NPAS3: variants seen among roughly 807,000 people sequenced by gnomAD.
NPAS3 encodes neuronal PAS domain protein 3.
Under a neutral mutation model 73.1 loss-of-function variants are expected in NPAS3, and 14 were observed. The observed-to-expected ratio is 0.19, with a 90% CI of 0.13 to 0.30. The LOEUF (loss-of-function observed/expected upper bound fraction) is 0.30, where lower values mean the gene tolerates loss of function less well. Ranked by LOEUF, NPAS3 falls within the 10% of genes least tolerant of loss-of-function variation. The pLI, the probability that NPAS3 is intolerant of heterozygous loss-of-function variation, is 1.00. For synonymous variants in NPAS3, 620 were observed against 541.5 expected, an observed-to-expected ratio of 1.14 and a Z score of -2.01; for missense variants, 1,096 against 1,250.0, an observed-to-expected ratio of 0.88 and a Z score of 1.86.
At chr14:33,052,330 A>G (rs1431614256) in intron 1 of NPAS3, among the ~76,000 whole-genome samples, 1 of 152,128 alleles carries the variant, frequency 6.6e-6, no homozygotes, top group Non-Finnish European at 1.5e-5. Context: ...CCTGATACAT[A>G]TTAAATAACT....
At chr14:33,675,721 C>A (rs1399490833) in intron 5 of NPAS3, among the ~76,000 whole-genome samples, 2 of 152,152 alleles carry the variant, frequency 1.3e-5, no homozygotes, top group Non-Finnish European at 2.9e-5. Context: ...ACATGGAAAT[C>A]AGATGATATG....
At chr14:33,284,559 C>T (rs1215356524) in intron 3 of NPAS3, among the ~76,000 whole-genome samples, 1 of 151,992 alleles carries the variant, frequency 6.6e-6, no homozygotes, top group Admixed American at 6.6e-5. Flanking sequence ...ATTATATGCA[C>T]TGTTTATTAT....
At chr14:33,188,572 A>G (rs1170518300) in intron 2 of NPAS3, among the ~76,000 whole-genome samples, 1 of 152,148 alleles carries the variant, frequency 6.6e-6, no homozygotes, top group African/African-American at 2.4e-5. Flanking sequence ...CACATGTGGC[A>G]TTGCATCCCC....
intron 4 of NPAS3, among the ~76,000 whole-genome samples, chr14:33,482,519 A>C (rs2051379397): frequency 6.6e-6 from 1 of 152,178 alleles, no homozygotes; most frequent in Non-Finnish European, 1.5e-5. Context: ...AACGTGGTGG[A>C]GATAGGAGAT....
chr14:33,532,071 C>G (rs2054070950), intron 4 of NPAS3, among the ~76,000 whole-genome samples: 1 of 152,084 alleles, frequency 6.6e-6, no homozygotes, highest in African/African-American at 2.4e-5. Context: ...AACTATGTAT[C>G]CAGGTCTCAA....
At chr14:33,139,293 C>T in intron 2 of NPAS3, among the ~76,000 whole-genome samples, 1 of 152,230 alleles carries the variant, frequency 6.6e-6, no homozygotes, top group East Asian at 1.9e-4. Flanking sequence ...TCTATGTGCA[C>T]ATTGGCTTCC....
chr14:33,003,109 T>A (rs1235591564), intron 1 of NPAS3, among the ~76,000 whole-genome samples: 1 of 152,000 alleles, frequency 6.6e-6, no homozygotes, highest in Non-Finnish European at 1.5e-5. Context: ...AACATTTCCT[T>A]ACCTTTCTTG....
chr14:33,299,056 G>A (rs543006558), intron 3 of NPAS3, among the ~76,000 whole-genome samples: 2 of 152,162 alleles, frequency 1.3e-5, no homozygotes, highest in African/African-American at 2.4e-5. Context: ...CCATTTGCAC[G>A]CCTTCTCATG....
At chr14:33,327,391 G>A (rs1283379412) in intron 3 of NPAS3, among the ~76,000 whole-genome samples, 1 of 152,200 alleles carries the variant, frequency 6.6e-6, no homozygotes, top group Non-Finnish European at 1.5e-5. Context: ...CTCAGAGCTT[G>A]TATTACTTAA....
At chr14:33,343,258 G>T (rs909476327) in intron 3 of NPAS3, among the ~76,000 whole-genome samples, 2 of 151,938 alleles carry the variant, frequency 1.3e-5, no homozygotes, top group Non-Finnish European at 2.9e-5. Flanking sequence ...AATGAGTCAG[G>T]GTTTGTTTTG....
intron 2 of NPAS3, among the ~76,000 whole-genome samples, chr14:33,139,290 G>A (rs1330273926): frequency 1.3e-5 from 2 of 152,170 alleles, no homozygotes; most frequent in Non-Finnish European, 2.9e-5. Context: ...GCATCTATGT[G>A]CACATTGGCT....
At chr14:33,372,998 T>C (rs577645264) in intron 4 of NPAS3, among the ~76,000 whole-genome samples, 1 of 152,312 alleles carries the variant, frequency 6.6e-6, no homozygotes, top group Non-Finnish European at 1.5e-5. Context: ...GCATGTTATT[T>C]ATTGTTACTT....
intron 8 of NPAS3, among the ~76,000 whole-genome samples, chr14:33,776,418 C>T (rs143809200): frequency 6.7e-6 from 1 of 148,838 alleles, no homozygotes; most frequent in African/African-American, 2.5e-5. Flanking sequence ...GTGATCAACT[C>T]ATTAATTCTT....
chr14:33,297,604 A>G (rs2042354049), intron 3 of NPAS3, among the ~76,000 whole-genome samples: 2 of 152,240 alleles, frequency 1.3e-5, no homozygotes, highest in Admixed American at 1.3e-4. Context: ...TATAAAATAA[A>G]AAATAAATGC....
intron 4 of NPAS3, among the ~76,000 whole-genome samples, chr14:33,479,766 C>T (rs548363878): frequency 3.9e-4 from 59 of 152,118 alleles, no homozygotes; most frequent in African/African-American, 1.4e-3. Flanking sequence ...CTGGCTGTCT[C>T]CTTTGCCAGC....
intron 2 of NPAS3, among the ~76,000 whole-genome samples, chr14:33,110,211 T>C (rs2042847148): frequency 6.6e-6 from 1 of 152,184 alleles, no homozygotes; most frequent in Admixed American, 6.5e-5. Flanking sequence ...ATTCTTAATA[T>C]TTAGACTGTA....
chr14:33,784,288 G>T (rs2138555255), intron 9 of NPAS3, among the ~76,000 whole-genome samples: 1 of 152,280 alleles, frequency 6.6e-6, no homozygotes, highest in East Asian at 1.9e-4. Context: ...TGTCATTGCT[G>T]TGAGGTTTCA....
chr14:33,191,574 C>T (rs1460639583), intron 2 of NPAS3, among the ~76,000 whole-genome samples: 1 of 152,104 alleles, frequency 6.6e-6, no homozygotes, highest in African/African-American at 2.4e-5. Context: ...AGATGAATAG[C>T]AGAAAACAGC....
chr14:33,201,169 C>T (rs570557458), intron 2 of NPAS3, among the ~76,000 whole-genome samples: 12 of 152,302 alleles, frequency 7.9e-5, no homozygotes, highest in Admixed American at 3.3e-4. Context: ...CTTAATAAAA[C>T]GCTAACTTTA....
Sources: gnomAD v4.1 joint callset for allele counts (sites outside exome capture counted in the v4.1 genomes callset) on GRCh38, gnomAD v4.1.1 for gene constraint, MANE v1.5 for transcripts, NCBI Gene and HGNC (gene_info 2026-07-23, HGNC 2026-07-21) for gene names.